Variants in PIK3R6 observed in about 807,000 individuals in gnomAD.
PIK3R6 encodes phosphoinositide 3-kinase regulatory subunit 6.
In PIK3R6, 91 loss-of-function variants were observed where a neutral mutation model predicts 84.9. That is an observed-to-expected ratio of 1.07 (90% CI 0.90 to 1.28). The LOEUF is 1.28. Ranked by LOEUF, PIK3R6 falls within the 50% of genes most tolerant of loss-of-function variation. PIK3R6 has a pLI of 0.00. For missense variants in PIK3R6, 996 were observed against 985.1 expected (o/e 1.01, Z -0.15); for synonymous variants, 416 against 411.4 (o/e 1.01, Z -0.13).
intron 18 of PIK3R6, 132 bp from the exon 19 acceptor site, chr17:8,804,285 G>T: frequency 1.4e-6 from 1 of 713,718 alleles, no homozygotes; most frequent in Non-Finnish European, 2.5e-6. Flanking sequence ...TCCTGCAAGT[G>T]ACTGAGGAGT....
intron 1 of PIK3R6, among the ~76,000 whole-genome samples, chr17:8,859,601 T>C (rs1161581031): frequency 6.6e-6 from 1 of 152,054 alleles, no homozygotes; most frequent in East Asian, 1.9e-4. Flanking sequence ...GCCATGTGGG[T>C]GGGCATCACG....
intron 9 of PIK3R6, among the ~76,000 whole-genome samples, chr17:8,832,550 T>G (rs1404161167): frequency 2.1e-5 from 1 of 47,610 alleles, no homozygotes; most frequent in African/African-American, 1.1e-4. Context: ...GCCCAGCTGA[T>G]TTTTTTTTTT....
At chr17:8,818,816 G>T (rs1013250955) in intron 18 of PIK3R6, among the ~76,000 whole-genome samples, 3 of 152,156 alleles carry the variant, frequency 2.0e-5, no homozygotes, top group Admixed American at 2.0e-4. Flanking sequence ...AGTCATCTGG[G>T]TATGTCTTGG....
intron 18 of PIK3R6, among the ~76,000 whole-genome samples, chr17:8,805,917 C>CAA (rs56856038): frequency 0.028 from 3,763 of 134,706 alleles, 185 homozygotes; most frequent in African/African-American, 0.093. Context: ...GACTCTGTCT[C>CAA]AAAAAAAAAA....
chr17:8,845,645 T>G lies in PIK3R6; in HGVS notation c.13+4137A>C, dbSNP rs533223577. Among the ~76,000 whole-genome samples, 5 of 152,310 alleles carry G rather than the reference T, an allele frequency of 3.3e-5. 1 individual carries two copies. The highest frequency in any genetic ancestry group is 3.3e-4 in the Admixed American group (5 of 15,286). On this transcript the variant is annotated intron_variant, in intron 2 of 19. Transcript: ENST00000619866. ...ACTCTGTTGATAATTTATTTTGCTGTGCAAAAGCTCTTTAGTGTAGGCCAG... is the reference window on the plus strand; with the variant it reads ...ACTCTGTTGATAATTTATTTTGCTGGGCAAAAGCTCTTTAGTGTAGGCCAG...
intron 18 of PIK3R6, among the ~76,000 whole-genome samples, chr17:8,806,103 G>T (rs967825858): frequency 2.2e-4 from 33 of 152,338 alleles, no homozygotes; most frequent in African/African-American, 7.9e-4. Flanking sequence ...TACCTGGAGA[G>T]ACTGCAGGGG....
intron 9 of PIK3R6, among the ~76,000 whole-genome samples, chr17:8,832,457 A>G (rs898427084): frequency 4.8e-5 from 6 of 126,162 alleles, no homozygotes; most frequent in Admixed American, 1.0e-4. Flanking sequence ...ATCTCGGCTC[A>G]CTGCAACCTC....
At position 8,849,851 on chromosome 17, in the gene PIK3R6, G is replaced by A. The variant is rs905933961; in HGVS notation, c.-57C>T. 1.3e-6 allele frequency: 2 copies of A among 1,596,358 alleles called. No homozygotes were observed. The highest frequency in any genetic ancestry group is 1.1e-5 in the South Asian group (1 of 88,266). The stretch of plus-strand genomic sequence containing the variant: ...TGGTTGTCTCGGGCAGCAGAATAGA[G>A]AACAAGGTGGTTGCTTTTCTGCACA... On this transcript the variant is annotated 5_prime_UTR_variant, in exon 2 of 20. Transcript: ENST00000619866.
intron 8 of PIK3R6, among the ~76,000 whole-genome samples, chr17:8,834,221 G>A (rs1246312730): frequency 6.6e-6 from 1 of 151,746 alleles, no homozygotes; most frequent in Non-Finnish European, 1.5e-5. Flanking sequence ...CCAAGCATAG[G>A]GAGTAGCCAG....
intron 1 of PIK3R6, among the ~76,000 whole-genome samples, chr17:8,858,065 C>T (rs2089184993): frequency 1.3e-5 from 2 of 152,194 alleles, no homozygotes; most frequent in East Asian, 1.9e-4. Context: ...CTTCCTTGCT[C>T]CTCCCACAGG....
intron 2 of PIK3R6, 36 bp downstream of exon 2, chr17:8,849,746 A>T (rs1388611523): frequency 9.4e-6 from 15 of 1,598,276 alleles, no homozygotes; most frequent in Non-Finnish European, 1.3e-5. Context: ...ACTCGGCAGC[A>T]GGCTCACTAG....
intron 15 of PIK3R6, 55 bp downstream of exon 15, chr17:8,822,941 A>C: frequency 1.4e-6 from 2 of 1,387,232 alleles, no homozygotes; most frequent in Admixed American, 3.4e-5. Context: ...GAAGGATGAG[A>C]GTTTGGAGAA....
intron 17 of PIK3R6, among the ~76,000 whole-genome samples, chr17:8,820,771 G>T (rs1204748862): frequency 6.6e-6 from 1 of 152,176 alleles, no homozygotes; most frequent in African/African-American, 2.4e-5. Context: ...GAACACAAAT[G>T]CATTATTGTC....
chr17:8,812,917 T>C (rs58238994), intron 18 of PIK3R6, among the ~76,000 whole-genome samples: 2,302 of 151,566 alleles, frequency 0.015, 67 homozygotes, highest in African/African-American at 0.053. Context: ...CTAAATGGAA[T>C]TGGGACAAAA....
Position 8,829,469 on chromosome 17 carries a change from GAC to G in PIK3R6, c.889+235_889+236del, listed in dbSNP as rs1279675508. ...TGACACGCATCCACACACATACACT[GAC>G]ACACACTCATGCACGCATACACACA... On this transcript the variant is annotated intron_variant, in intron 10 of 19. Coordinates refer to ENST00000619866, the MANE Select transcript of PIK3R6 (RefSeq NM_001010855.4). Among the ~76,000 whole-genome samples the G allele has an allele frequency of 3.1e-4, 39 of 125,048 alleles. 1 individual carries two copies. Among genetic ancestry groups the G allele is most frequent in the African/African-American group, 6.5e-4 (20 of 30,906 alleles). The allele number at this position is 125,048 out of a possible 152,430, so 82.0% of individuals were successfully genotyped here. A position where few individuals can be genotyped will look rare whatever the true frequency, so the allele number is the denominator to read the frequency against.
rs561499465 is a variant in PIK3R6, at chr17:8,844,680, G to A, written c.14-4983C>T. Among the ~76,000 whole-genome samples, 6 of 151,798 alleles carry A rather than the reference G, an allele frequency of 4.0e-5. No individual in the cohort carries two copies. Among genetic ancestry groups the A allele is most frequent in the East Asian group, 3.9e-4 (2 of 5,174 alleles). On this transcript the variant is annotated intron_variant, in intron 2 of 19. Transcript: ENST00000619866. The surrounding 1 kb of genome is among the most constrained non-coding windows in gnomAD (Gnocchi z 4.5). ...AGGTACATGTGCAGGTTTGTTACCC[G>A]GATATATTGCTTGATGCTGAGGTTT...
rs145575361 is a variant in PIK3R6 at position 8,866,353 on chromosome 17, C to T, written c.-92+1176G>A. Among the ~76,000 whole-genome samples the T allele has an allele frequency of 2.1e-3, 313 of 152,176 alleles. 2 individuals are homozygous for T. The highest frequency in any genetic ancestry group is 7.0e-3 in the African/African-American group (292 of 41,506). ...GAGATCAAGACCATCCTGGCTAACA[C>T]GGTGAAAACACAAAAAATTACTACT... On this transcript the variant is annotated intron_variant, in intron 1 of 19. Transcript: ENST00000619866.
intron 3 of PIK3R6, among the ~76,000 whole-genome samples, chr17:8,838,983 T>G (rs1486929202): frequency 6.6e-6 from 1 of 152,206 alleles, no homozygotes; most frequent in Non-Finnish European, 1.5e-5. Flanking sequence ...AGCCACATTC[T>G]GGAAGTCCTG....
chr17:8,850,726 G>T (rs1029129713), intron 1 of PIK3R6, among the ~76,000 whole-genome samples: 1 of 152,104 alleles, frequency 6.6e-6, no homozygotes, highest in African/African-American at 2.4e-5. Context: ...ACAAACAAAC[G>T]TATAACTGGG....
Sources: allele counts gnomAD v4.1 joint callset (sites outside exome capture counted in the v4.1 genomes callset), GRCh38; gene constraint gnomAD v4.1.1; non-coding constraint Gnocchi (gnomAD v3.1); transcripts MANE v1.5; gene names NCBI Gene and HGNC (gene_info 2026-07-23, HGNC 2026-07-21).